AP3S1: variants seen among roughly 807,000 people sequenced by gnomAD.
AP3S1 encodes adaptor related protein complex 3 subunit sigma 1.
In AP3S1, 12 loss-of-function variants were observed where a neutral mutation model predicts 21.3. That is an observed-to-expected ratio of 0.56 (90% CI 0.36 to 0.91). AP3S1 has a LOEUF of 0.91. Among genes scored for constraint, AP3S1 ranks in the 40% least tolerant of loss-of-function variants. The pLI, the probability that AP3S1 is intolerant of heterozygous loss-of-function variation, is 0.01. For missense variants in AP3S1, 116 were observed against 225.0 expected (o/e 0.52, Z 3.10); for synonymous variants, 48 against 78.4 (o/e 0.61, Z 2.05).
At chr5:115,879,203 T>C (rs1317674913) in intron 3 of AP3S1, among the ~76,000 whole-genome samples, 1 of 152,234 alleles carries the variant, frequency 6.6e-6, no homozygotes, top group African/African-American at 2.4e-5. Context: ...TTCTCTTGCC[T>C]GATTGCCCTG....
chr5:115,847,339 C>T (rs1434814926), intron 1 of AP3S1, among the ~76,000 whole-genome samples: 1 of 152,148 alleles, frequency 6.6e-6, no homozygotes, highest in Non-Finnish European at 1.5e-5. Flanking sequence ...TTTTTATGGC[C>T]GGGTACAGTG....
chr5:115,854,084 T>G (rs1342856910), intron 1 of AP3S1, among the ~76,000 whole-genome samples: 1 of 152,142 alleles, frequency 6.6e-6, no homozygotes, highest in Non-Finnish European at 1.5e-5. Flanking sequence ...AGGCATCACA[T>G]GGTATGCACA....
chr5:115,892,332 G>T (rs1750380089), intron 3 of AP3S1, among the ~76,000 whole-genome samples: 1 of 152,172 alleles, frequency 6.6e-6, no homozygotes, highest in African/African-American at 2.4e-5. Context: ...AAAGAAATCA[G>T]TGTGTCAAAG....
chr5:115,894,333 C>A (rs1046756622), intron 3 of AP3S1, among the ~76,000 whole-genome samples: 15 of 152,260 alleles, frequency 9.9e-5, no homozygotes, highest in African/African-American at 3.6e-4. Context: ...AGCTTCAGAT[C>A]CTCGGAGAAA....
At chr5:115,864,762 A>G (rs923230553) in intron 1 of AP3S1, among the ~76,000 whole-genome samples, 2 of 152,378 alleles carry the variant, frequency 1.3e-5, no homozygotes, top group East Asian at 1.9e-4. Flanking sequence ...CTAAGAGCGC[A>G]TAGCACAACA....
At chr5:115,909,750 C>T (rs539140274) in intron 5 of AP3S1, among the ~76,000 whole-genome samples, 17 of 152,208 alleles carry the variant, frequency 1.1e-4, no homozygotes, top group South Asian at 8.3e-4. Flanking sequence ...CTTACTTTTA[C>T]GTTTAAAAAT....
intron 3 of AP3S1, among the ~76,000 whole-genome samples, chr5:115,888,658 T>G (rs1248426020): frequency 1.3e-5 from 2 of 152,116 alleles, no homozygotes; most frequent in African/African-American, 4.8e-5. Flanking sequence ...TGTTCTGGAT[T>G]AAATGTGGAC....
intron 1 of AP3S1, among the ~76,000 whole-genome samples, chr5:115,845,836 CAAAAAAAAAAAAAAAAAAAA>C (rs755171274): frequency 4.6e-4 from 16 of 34,432 alleles, no homozygotes; most frequent in East Asian, 1.6e-3. Flanking sequence ...GACTCCATCT[CAAAAAAAAAAAAAAAAAAAA>C]AAAAAAAAAA....
chr5:115,883,049 CCCGA>C (rs1749448500), intron 3 of AP3S1, among the ~76,000 whole-genome samples: 1 of 152,158 alleles, frequency 6.6e-6, no homozygotes, highest in Non-Finnish European at 1.5e-5. Context: ...ACGCCTCTGC[CCCGA>C]CTAAGCTCCA....
chr5:115,901,392 C>CTTTTTTTTTTTTTTTTTTT (rs35793318), intron 4 of AP3S1, among the ~76,000 whole-genome samples: 3 of 111,654 alleles, frequency 2.7e-5, no homozygotes, highest in Non-Finnish European at 3.8e-5. Context: ...TGCCTATATT[C>CTTTTTTTTTTTTTTTTTTT]TTTTTTTTTT....
chr5:115,871,290 T>G (rs184467576), intron 3 of AP3S1, among the ~76,000 whole-genome samples: 1 of 152,198 alleles, frequency 6.6e-6, no homozygotes, highest in Admixed American at 6.5e-5. Flanking sequence ...AGATTTTGGT[T>G]CTTGGTTCCC....
At chr5:115,873,139 C>T (rs1561494734) in intron 3 of AP3S1, among the ~76,000 whole-genome samples, 1 of 152,132 alleles carries the variant, frequency 6.6e-6, no homozygotes, top group Non-Finnish European at 1.5e-5. Flanking sequence ...GAGATTAAGT[C>T]ATCACCATTG....
chr5:115,895,044 A>G, intron 3 of AP3S1, 43 bp from the exon 4 acceptor site: 1 of 1,358,078 alleles, frequency 7.4e-7, no homozygotes, highest in Non-Finnish European at 1.0e-6. Flanking sequence ...ATAGTTTTGA[A>G]TAAATTTAAA....
At chr5:115,890,483 G>C (rs1350258447) in intron 3 of AP3S1, among the ~76,000 whole-genome samples, 1 of 152,164 alleles carries the variant, frequency 6.6e-6, no homozygotes, top group African/African-American at 2.4e-5. Flanking sequence ...GTTGGGTATT[G>C]GTTACCTTTG....
chr5:115,846,983 G>T (rs1762111512), intron 1 of AP3S1, among the ~76,000 whole-genome samples: 1 of 152,152 alleles, frequency 6.6e-6, no homozygotes, highest in South Asian at 2.1e-4. Context: ...GCAAATCAAT[G>T]ACTTTATTGT....
intron 2 of AP3S1, among the ~76,000 whole-genome samples, chr5:115,867,550 A>G (rs993400418): frequency 6.6e-6 from 1 of 152,174 alleles, no homozygotes; most frequent in South Asian, 2.1e-4. Flanking sequence ...GATAACAGGG[A>G]ATCCATGGTC....
chr5:115,908,134 G>A (rs575788167), intron 5 of AP3S1, among the ~76,000 whole-genome samples: 1 of 152,086 alleles, frequency 6.6e-6, no homozygotes, highest in Non-Finnish European at 1.5e-5. Flanking sequence ...TTTTGAGATT[G>A]TGGGCTATGT....
intron 3 of AP3S1, among the ~76,000 whole-genome samples, chr5:115,883,085 C>A (rs570093689): frequency 6.6e-6 from 1 of 152,352 alleles, no homozygotes; most frequent in South Asian, 2.1e-4. Context: ...TGACTTCAGA[C>A]TGCTGTGCTG....
intron 3 of AP3S1, among the ~76,000 whole-genome samples, chr5:115,874,480 C>T (rs1748533527): frequency 6.6e-6 from 1 of 152,048 alleles, no homozygotes; most frequent in South Asian, 2.1e-4. Flanking sequence ...ATCTCTGTTA[C>T]AGTTTTCTGT....
Sources: allele counts gnomAD v4.1 joint callset (sites outside exome capture counted in the v4.1 genomes callset), GRCh38; gene constraint gnomAD v4.1.1; transcripts MANE v1.5; gene names NCBI Gene and HGNC (gene_info 2026-07-23, HGNC 2026-07-21).